The following SYT9 variants were observed in gnomAD, a reference collection of about 807,000 sequenced individuals.
SYT9 encodes synaptotagmin 9.
Under a neutral mutation model 48.4 loss-of-function variants are expected in SYT9, and 22 were observed. The ratio of observed to expected loss-of-function variants is 0.45; its 90% confidence interval spans 0.32 to 0.65. SYT9 has a LOEUF of 0.65. Ranked by LOEUF, SYT9 falls within the 30% of genes least tolerant of loss-of-function variation. SYT9 has a pLI of 0.03. For missense variants in SYT9, 577 were observed against 622.0 expected, an observed-to-expected ratio of 0.93 and a Z score of 0.77; for synonymous variants, 265 against 245.0, an observed-to-expected ratio of 1.08 and a Z score of -0.76.
chr11:7,257,805 A>G (rs546960994), intron 1 of SYT9, among the ~76,000 whole-genome samples: 18 of 152,286 alleles, frequency 1.2e-4, no homozygotes, highest in South Asian at 4.1e-4. Flanking sequence ...CTCCTTCATA[A>G]ATATTTTATT....
chr11:7,454,295 T>G, intron 6 of SYT9: 1 of 985,374 alleles, frequency 1.0e-6, no homozygotes, highest in Non-Finnish European at 1.2e-6. Flanking sequence ...TGGTCTTTTT[T>G]GCATCTCATG....
intron 3 of SYT9, among the ~76,000 whole-genome samples, chr11:7,404,988 A>T (rs907449478): frequency 6.6e-6 from 1 of 151,868 alleles, no homozygotes; most frequent in Non-Finnish European, 1.5e-5. Flanking sequence ...CACACAAAGC[A>T]GGGGTAAATG....
At chr11:7,238,876 G>A (rs558502918) in exon 1 of SYT9, 27 of 456,080 alleles carry the variant, frequency 5.9e-5, no homozygotes, top group African/African-American at 4.0e-4. Flanking sequence ...AAATGCTGGC[G>A]AAGGTGGTGG....
At chr11:7,410,834 A>G (rs988406496) in intron 3 of SYT9, among the ~76,000 whole-genome samples, 2 of 151,988 alleles carry the variant, frequency 1.3e-5, no homozygotes, top group African/African-American at 4.8e-5. Context: ...AGATTATTTA[A>G]TCTATTTCCA....
At chr11:7,425,933 G>GA (rs1378730133) in intron 6 of SYT9, among the ~76,000 whole-genome samples, 1 of 151,926 alleles carries the variant, frequency 6.6e-6, no homozygotes, top group Non-Finnish European at 1.5e-5. Flanking sequence ...AATGAAAACA[G>GA]AAAAAACAAG....
intron 1 of SYT9, among the ~76,000 whole-genome samples, chr11:7,254,870 A>C (rs2119774508): frequency 6.6e-6 from 1 of 152,300 alleles, no homozygotes; most frequent in Admixed American, 6.5e-5. Context: ...AGGTGTGGAA[A>C]GACTAGGGCA....
intron 3 of SYT9, among the ~76,000 whole-genome samples, chr11:7,357,537 A>G (rs1306418002): frequency 6.6e-6 from 1 of 152,178 alleles, no homozygotes; most frequent in African/African-American, 2.4e-5. Flanking sequence ...AAGATAGCAA[A>G]GCAGTGTGAA....
intron 3 of SYT9, among the ~76,000 whole-genome samples, chr11:7,387,247 A>G (rs927948504): frequency 6.6e-6 from 1 of 152,124 alleles, no homozygotes; most frequent in African/African-American, 2.4e-5. Context: ...AACATGGTAC[A>G]AGTATGCATA....
intron 3 of SYT9, among the ~76,000 whole-genome samples, chr11:7,377,284 A>G (rs1052063207): frequency 6.6e-6 from 1 of 152,008 alleles, no homozygotes; most frequent in Non-Finnish European, 1.5e-5. Context: ...CACTTTACAT[A>G]TATCAGTTTA....
At chr11:7,361,503 G>C (rs1305459503) in intron 3 of SYT9, among the ~76,000 whole-genome samples, 11 of 152,036 alleles carry the variant, frequency 7.2e-5, no homozygotes. Context: ...ATTCTCTCCT[G>C]TTGTTGAATT....
intron 2 of SYT9, among the ~76,000 whole-genome samples, chr11:7,304,598 C>T (rs1056488382): frequency 5.3e-5 from 8 of 152,156 alleles, no homozygotes; most frequent in Admixed American, 1.3e-4. Flanking sequence ...ATGGAATATG[C>T]CAGTTTCTAA....
Position 7,468,766 on chromosome 11 carries a change from G to T in SYT9, c.*1966G>T, listed in dbSNP as rs1285721993. 1 of 153,938 alleles carries T rather than the reference G, an allele frequency of 6.5e-6. No individual in the cohort carries two copies. The highest frequency in any genetic ancestry group is 6.5e-5 in the Admixed American group (1 of 15,326). The allele number at this position is 153,938 out of a possible 1,614,324, so 9.5% of individuals were successfully genotyped here. ...CTGTTCCCCACCTCAGAAGCTTCCT[G>T]CCCAGAGAGCCAGCAGCCTTGGGAT... On this transcript the variant is annotated 3_prime_UTR_variant, in exon 7 of 7. Transcript: ENST00000318881.
intron 3 of SYT9, among the ~76,000 whole-genome samples, chr11:7,316,381 A>G (rs1034914781): frequency 2.6e-5 from 4 of 152,068 alleles, no homozygotes; most frequent in Non-Finnish European, 5.9e-5. Flanking sequence ...GGTTTTGTCT[A>G]TTTTGGCATT....
intron 6 of SYT9, chr11:7,435,482 A>G (rs1847685454): frequency 6.6e-6 from 1 of 152,172 alleles, no homozygotes; most frequent in Non-Finnish European, 1.5e-5. Context: ...AGACCAGGAG[A>G]CTGTCCTGCT....
At chr11:7,349,643 A>T (rs1053274927) in intron 3 of SYT9, among the ~76,000 whole-genome samples, 3 of 152,104 alleles carry the variant, frequency 2.0e-5, no homozygotes, top group Non-Finnish European at 4.4e-5. Flanking sequence ...TGTCCCAACA[A>T]ATCCATGCAC....
intron 1 of SYT9, among the ~76,000 whole-genome samples, chr11:7,271,120 A>G (rs148217432): frequency 1.3e-5 from 2 of 152,218 alleles, no homozygotes; most frequent in Admixed American, 6.5e-5. Context: ...TGACAAAGCT[A>G]TTTTATTGTT....
chr11:7,429,175 TC>T (rs1847520301), intron 6 of SYT9, among the ~76,000 whole-genome samples: 2 of 152,168 alleles, frequency 1.3e-5, no homozygotes, highest in Admixed American at 1.3e-4. Flanking sequence ...GATTAATGAT[TC>T]TAGGGAGCCT....
intron 1 of SYT9, among the ~76,000 whole-genome samples, chr11:7,275,418 G>T (rs1848369570): frequency 6.6e-6 from 1 of 152,106 alleles, no homozygotes; most frequent in South Asian, 2.1e-4. Flanking sequence ...TTGGAATCCT[G>T]CTGTGTTTGA....
intron 1 of SYT9, among the ~76,000 whole-genome samples, chr11:7,284,490 C>G (rs542671747): frequency 6.6e-6 from 1 of 152,206 alleles, no homozygotes; most frequent in South Asian, 2.1e-4. Context: ...TTTGGCTAAG[C>G]ATACATTCTA....
Sources: allele counts gnomAD v4.1 joint callset (sites outside exome capture counted in the v4.1 genomes callset), GRCh38; gene constraint gnomAD v4.1.1; transcripts MANE v1.5; gene names NCBI Gene and HGNC (gene_info 2026-07-23, HGNC 2026-07-21).